MRTFB: variants seen among roughly 807,000 people sequenced by gnomAD.
MRTFB encodes the protein myocardin-related transcription factor B.
MRTFB carries 29 observed loss-of-function variants against 104.2 expected under a neutral mutation model. The observed-to-expected ratio is 0.28, with a 90% CI of 0.21 to 0.38. The LOEUF (loss-of-function observed/expected upper bound fraction) is 0.38, where lower values mean the gene tolerates loss of function less well. Among genes scored for constraint, MRTFB ranks in the 10% least tolerant of loss-of-function variants. MRTFB has a pLI of 1.00. For synonymous variants in MRTFB, 535 were observed against 519.5 expected (o/e 1.03, Z -0.41); for missense variants, 1,270 against 1,341.6 (o/e 0.95, Z 0.83).
chr16:14,175,757 C>T (rs2039560143), intron 3 of MRTFB, among the ~76,000 whole-genome samples: 2 of 152,028 alleles, frequency 1.3e-5, no homozygotes, highest in African/African-American at 4.8e-5. Flanking sequence ...ATGGTATATC[C>T]ATACAGCGGA....
chr16:14,187,043 T>C, intron 3 of MRTFB: 1 of 1,592,338 alleles, frequency 6.3e-7, no homozygotes, highest in Non-Finnish European at 8.5e-7. Flanking sequence ...AAGGTCAGTC[T>C]GTCTGTGGAC....
chr16:14,041,026 A>C, the MRTFB span, among the ~76,000 whole-genome samples: 1 of 152,160 alleles, frequency 6.6e-6, no homozygotes, highest in Admixed American at 6.5e-5. Context: ...CCAACTACTC[A>C]GGAGGTTGAG....
chr16:14,000,804 C>A, the MRTFB span, among the ~76,000 whole-genome samples: 1 of 152,242 alleles, frequency 6.6e-6, no homozygotes, highest in East Asian at 1.9e-4. Context: ...AGTGAGCCAC[C>A]TACTTGCTTA....
chr16:14,028,183 C>CA, the MRTFB span, among the ~76,000 whole-genome samples: 8 of 116,712 alleles, frequency 6.9e-5, no homozygotes, highest in Admixed American at 2.0e-4. Flanking sequence ...TCTCAAAAAA[C>CA]AAAAAAACAA....
intron 3 of MRTFB, among the ~76,000 whole-genome samples, chr16:14,190,241 T>C (rs1291408237): frequency 6.6e-6 from 1 of 152,232 alleles, no homozygotes; most frequent in Admixed American, 6.5e-5. Context: ...AAATTCTCCT[T>C]AGACTAGTTT....
intron 3 of MRTFB, among the ~76,000 whole-genome samples, chr16:14,164,821 A>G (rs772870536): frequency 6.6e-6 from 1 of 152,116 alleles, no homozygotes; most frequent in Non-Finnish European, 1.5e-5. Flanking sequence ...ATTTGTCTGA[A>G]CCCAGATCTT....
chr16:13,998,937 A>G, the MRTFB span, among the ~76,000 whole-genome samples: 3 of 143,678 alleles, frequency 2.1e-5, no homozygotes, highest in Admixed American at 1.5e-4. Flanking sequence ...TCACACCTAT[A>G]GTCCTAGCAC....
chr16:14,050,690 T>A, the MRTFB span, among the ~76,000 whole-genome samples: 1 of 152,236 alleles, frequency 6.6e-6, no homozygotes, highest in African/African-American at 2.4e-5. Context: ...CAGAGGCTGC[T>A]GCTAGCTCAG....
Position 14,258,087 on chromosome 16 carries a change from C to G in MRTFB, c.2704-14C>G. 4.3e-6 allele frequency: 7 copies of G among 1,611,506 alleles called. No homozygotes were observed. The highest frequency in any genetic ancestry group is 5.9e-6 in the Non-Finnish European group (7 of 1,177,750). On this transcript the variant is annotated splice_polypyrimidine_tract_variant and intron_variant, in intron 15 of 16. Coordinates refer to ENST00000571589, the MANE Select transcript of MRTFB (RefSeq NM_001308142.2). The stretch of plus-strand genomic sequence containing the variant: ...GTATGAAAGAAACCTAATTTGTACT[C>G]TCCTTCATTGTAGATTTCCAACGCT...
In MRTFB at chr16:14,246,791, G is replaced by A. The variant is rs759961486; in HGVS notation, c.1531G>A (p.Glu511Lys). Residue 511 changes from glutamate (E) to lysine (K), a missense_variant, in exon 12 of 17, where the codon GAA becomes AAA. Transcript: ENST00000571589. ...TCTGCCCATTTCACCATCTCCCTCC[G>A]AACAGTCCAGTCTCAGTACTGATGA... ...SPLPISPSPS[E>K]QSSLSTDDTN... The A allele has an allele frequency of 4.3e-5, 70 of 1,613,430 alleles. No homozygotes were observed. The highest frequency in any genetic ancestry group is 8.3e-5 in the Admixed American group (5 of 59,990).
At chr16:14,044,306 A>G in the MRTFB span, among the ~76,000 whole-genome samples, 2 of 152,304 alleles carry the variant, frequency 1.3e-5, no homozygotes, top group African/African-American at 4.8e-5. Context: ...GGTGTCTCTC[A>G]TGACAGCGTC....
At chr16:14,199,640 T>G (rs139105450) in intron 3 of MRTFB, among the ~76,000 whole-genome samples, 1 of 152,250 alleles carries the variant, frequency 6.6e-6, no homozygotes, top group African/African-American at 2.4e-5. Context: ...CATACACTGT[T>G]GATTTGATTC....
the MRTFB span, among the ~76,000 whole-genome samples, chr16:14,017,239 A>G: frequency 4.0e-4 from 60 of 151,490 alleles, no homozygotes; most frequent in African/African-American, 1.1e-3. Flanking sequence ...TGTATTTTTA[A>G]TAGAGACGGG....
At chr16:14,191,553 G>T (rs560567656) in intron 3 of MRTFB, among the ~76,000 whole-genome samples, 53 of 152,310 alleles carry the variant, frequency 3.5e-4, no homozygotes, top group Non-Finnish European at 6.8e-4. Context: ...AGAAAGAATT[G>T]TTGTCTGGCC....
chr16:14,177,903 G>GGTGTGTGTGTGTGTGTGTGT lies in MRTFB; in HGVS notation c.155-32326_155-32307dup. On this transcript the variant is annotated intron_variant, in intron 3 of 16. Transcript: ENST00000571589. This position sits in a 1 kb window ranked among gnomAD's most constrained non-coding sequence, Gnocchi z 4.7. ...CGAGAAGTACATGAACCAGAGGTAG[G>GGTGTGTGTGTGTGTGTGTGT]GTGTGTGTGTGTGTGTGTGTGTGTG... Among the ~76,000 whole-genome samples the GGTGTGTGTGTGTGTGTGTGT allele has an allele frequency of 6.8e-6, 1 of 146,074 alleles. No individual in the cohort carries two copies. The highest frequency in any genetic ancestry group is 2.0e-4 in the East Asian group (1 of 5,006).
At chr16:14,226,443 C>T (rs567853811) in intron 8 of MRTFB, among the ~76,000 whole-genome samples, 2 of 152,152 alleles carry the variant, frequency 1.3e-5, no homozygotes, top group Admixed American at 6.5e-5. Context: ...AGGATAGTCT[C>T]GTCAACAAAT....
At position 14,240,224 on chromosome 16, in the gene MRTFB, T is replaced by G; in HGVS notation, c.832-13T>G. 6.4e-7 allele frequency: 1 copy of G among 1,573,842 alleles called. No homozygotes were observed. Among genetic ancestry groups the G allele is most frequent in the African/African-American group, 1.4e-5 (1 of 73,062 alleles). On this transcript the variant is annotated splice_polypyrimidine_tract_variant and intron_variant, in intron 9 of 16. Transcript: ENST00000571589. ...CATCTCTTTAAATGTTATTTTCTTTTTCTCAAAAATAGCAAAGCCATCCCA... is the reference window on the plus strand; with the variant it reads ...CATCTCTTTAAATGTTATTTTCTTTGTCTCAAAAATAGCAAAGCCATCCCA...
intron 3 of MRTFB, among the ~76,000 whole-genome samples, chr16:14,154,229 C>A (rs570478828): frequency 6.6e-6 from 1 of 152,040 alleles, no homozygotes; most frequent in Non-Finnish European, 1.5e-5. Flanking sequence ...CTGCTACTTG[C>A]GGGGCTGAGG....
the MRTFB span, among the ~76,000 whole-genome samples, chr16:14,002,674 C>G: frequency 1.3e-5 from 2 of 152,110 alleles, no homozygotes; most frequent in Admixed American, 6.6e-5. Flanking sequence ...TCCTCTCTCT[C>G]CCCTCCTCCC....
Sources: gnomAD v4.1 joint callset for allele counts (sites outside exome capture counted in the v4.1 genomes callset) on GRCh38, gnomAD v4.1.1 for gene constraint, Gnocchi (gnomAD v3.1) non-coding constraint, MANE v1.5 for transcripts, NCBI Gene and HGNC (gene_info 2026-07-23, HGNC 2026-07-21) for gene names.